The following SIDT1 variants were observed in gnomAD, a reference collection of about 807,000 sequenced individuals.
The protein encoded by SIDT1 is SID1 transmembrane family, member 1.
SIDT1 carries 101 observed loss-of-function variants against 107.5 expected under a neutral mutation model. That is an observed-to-expected ratio of 0.94 (90% CI 0.80 to 1.11). The LOEUF (loss-of-function observed/expected upper bound fraction) is 1.11, where lower values mean the gene tolerates loss of function less well. SIDT1 is among the 50% of genes least tolerant of loss of function. SIDT1 has a pLI of 0.00. For synonymous variants in SIDT1, 395 were observed against 398.2 expected (o/e 0.99, Z 0.10); for missense variants, 1,076 against 1,058.2 (o/e 1.02, Z -0.23).
intron 20 of SIDT1, among the ~76,000 whole-genome samples, chr3:113,616,817 TA>T: frequency 6.6e-6 from 1 of 151,760 alleles, no homozygotes; most frequent in South Asian, 2.1e-4. Flanking sequence ...GCCTCCTGAG[TA>T]GCTGGGATTA....
chr3:113,533,125 C>T lies in SIDT1; in HGVS notation c.104C>T (p.Pro35Leu), dbSNP rs1937650285. Residue 35 changes from proline to leucine, a missense_variant, in exon 1 of 25, where the codon CCG becomes CTG. Pro to Leu is a moderately conservative substitution (Grantham distance 98). Transcript: ENST00000264852. ...AAATCCCCCAGGCAGCCCCCGGCAC[C>T]GCGCCGCGACCCCTTCGACGCTGCC... ...PAKSPRQPPA[P>L]RRDPFDAARG... 2.1e-5 allele frequency: 33 copies of T among 1,561,554 alleles called. No individual in the cohort carries two copies. The highest frequency in any genetic ancestry group is 2.9e-5 in the Non-Finnish European group (33 of 1,156,122).
At position 113,612,192 on chromosome 3, in the gene SIDT1, T is replaced by C. The variant is rs74444076; in HGVS notation, c.1964T>C (p.Ile655Thr). 182 of 1,600,806 alleles carry C rather than the reference T, an allele frequency of 1.1e-4. No homozygotes were observed. In the East Asian group the frequency reaches 3.7e-3, roughly 33 times the overall value. The change falls in exon 19 of 25, where the codon ATA becomes ACA. Residue 655 changes from isoleucine (I) to threonine (T), a missense_variant and splice_region_variant. Transcript: ENST00000264852. ...ATATATTATATGGGTCGTTTCAAGATAGGTGAGTCACCTGTTAATTCTATA... is the reference window on the plus strand; with the variant it reads ...ATATATTATATGGGTCGTTTCAAGACAGGTGAGTCACCTGTTAATTCTATA... ...TQIYYMGRFK[I>T]DLGIFRRAAM... is the part of the protein sequence containing the mutation.
intron 3 of SIDT1, among the ~76,000 whole-genome samples, chr3:113,568,996 T>G (rs1942191163): frequency 6.6e-6 from 1 of 151,328 alleles, no homozygotes; most frequent in African/African-American, 2.4e-5. Flanking sequence ...AAAAATTAGC[T>G]GGGCATGGTG....
rs1553789898 is a variant in SIDT1, at chr3:113,573,008, T to TTC, written c.516-3908_516-3907dup. 5.3e-5 allele frequency among the ~76,000 whole-genome samples: 8 copies of TTC among 152,030 alleles called. No individual in the cohort carries two copies. In the East Asian group the frequency reaches 5.8e-4, roughly 11 times the overall value. On this transcript the variant is annotated intron_variant, in intron 3 of 24. Coordinates refer to ENST00000264852, the MANE Select transcript of SIDT1 (RefSeq NM_017699.3). ...AAGATTTACATTCCTTTTTTTTTTT[T>TTC]TCTCTCTTAATGATGCTGTACTGAG...
intron 3 of SIDT1, among the ~76,000 whole-genome samples, chr3:113,574,543 C>T (rs1329710104): frequency 6.6e-6 from 1 of 152,158 alleles, no homozygotes; most frequent in South Asian, 2.1e-4. Flanking sequence ...GAAAGTTTGT[C>T]CTGCCTCTCT....
At chr3:113,572,636 G>T (rs1461566559) in intron 3 of SIDT1, among the ~76,000 whole-genome samples, 1 of 152,174 alleles carries the variant, frequency 6.6e-6, no homozygotes, top group Non-Finnish European at 1.5e-5. Context: ...GGAGAAGAAA[G>T]AAAAATGATT....
chr3:113,624,610 A>C (rs887411889), intron 23 of SIDT1, among the ~76,000 whole-genome samples: 2 of 152,212 alleles, frequency 1.3e-5, no homozygotes, highest in Admixed American at 1.3e-4. Flanking sequence ...TATAAAATTT[A>C]CCATCGTTAC....
intron 12 of SIDT1, 24 bp downstream of exon 12, chr3:113,603,174 T>G: frequency 1.3e-6 from 2 of 1,592,524 alleles, no homozygotes; most frequent in Non-Finnish European, 1.7e-6. Flanking sequence ...CTCGCCGTAC[T>G]CTTTGAGAGG....
chr3:113,533,209 T>A lies in SIDT1; in HGVS notation c.188T>A (p.Ile63Asn). The A allele has an allele frequency of 6.6e-7, 1 of 1,526,518 alleles. No homozygotes were observed. Among genetic ancestry groups the A allele is most frequent in the Non-Finnish European group, 8.8e-7 (1 of 1,135,774 alleles). The allele number at this position is 1,526,518 out of a possible 1,614,324, so 94.6% of individuals were successfully genotyped here. A position where few individuals can be genotyped will look rare whatever the true frequency, so the allele number is the denominator to read the frequency against. The change falls in exon 1 of 25, where the codon ATC (isoleucine) becomes AAC (asparagine). Residue 63 changes from isoleucine to asparagine, a missense_variant. By Grantham distance (149) the Ile-to-Asn change is moderately radical (BLOSUM62 -3). Transcript: ENST00000264852. Reference sequence around the variant, plus strand: ...GTGGTGAACCTCAGCACCGAGAACATCTACTCTTTCAACTACACCAGCCAG... The same window carrying A: ...GTGGTGAACCTCAGCACCGAGAACAACTACTCTTTCAACTACACCAGCCAG... ...SGVVNLSTEN[I>N]YSFNYTSQPD...
At position 113,623,636 on chromosome 3, in the gene SIDT1, A is replaced by T. The variant is rs1261824536; in HGVS notation, c.2210A>T (p.Glu737Val). 1 of 1,613,206 alleles carries T rather than the reference A, an allele frequency of 6.2e-7. No homozygotes were observed. The highest frequency in any genetic ancestry group is 1.7e-5 in the Admixed American group (1 of 60,028). The change falls in exon 23 of 25, where the codon GAA (glutamate) becomes GTA (valine). Residue 737 changes from glutamate (E) to valine (V), a missense_variant. By Grantham distance (121) the Glu-to-Val change is moderately radical. Transcript: ENST00000264852. ...CTCCTCCCACAGCTCCGCAGCTCTG[A>T]AAAGGTCCTCCCAGTCCCGCTCTTC... Reference protein sequence around the residue: ...FYIIMKLRSSEKVLPVPLFCI... With the variant: ...FYIIMKLRSSVKVLPVPLFCI...
At chr3:113,552,362 G>A (rs879411668) in intron 1 of SIDT1, among the ~76,000 whole-genome samples, 1 of 151,934 alleles carries the variant, frequency 6.6e-6, no homozygotes, top group Non-Finnish European at 1.5e-5. Flanking sequence ...TGAAGATTTG[G>A]GGAGGTTTGT....
chr3:113,562,187 C>CA (rs970707604), intron 1 of SIDT1, among the ~76,000 whole-genome samples: 37 of 146,774 alleles, frequency 2.5e-4, no homozygotes, highest in East Asian at 1.6e-3. Flanking sequence ...TGGCTATATT[C>CA]AAAAAAAAAA....
chr3:113,571,413 T>C (rs1393023453), intron 3 of SIDT1, among the ~76,000 whole-genome samples: 3 of 151,984 alleles, frequency 2.0e-5, no homozygotes, highest in Admixed American at 2.0e-4. Flanking sequence ...TGAGACCCCA[T>C]CTCTGCAAAA....
intron 19 of SIDT1, chr3:113,615,076 A>G (rs1374280933): frequency 6.5e-7 from 1 of 1,535,488 alleles, no homozygotes; most frequent in Non-Finnish European, 8.7e-7. Context: ...TGTCTGACAC[A>G]GGTAATGTTC....
intron 14 of SIDT1, 99 bp from the exon 15 acceptor site, chr3:113,606,942 C>A: frequency 1.3e-6 from 1 of 753,016 alleles, no homozygotes. Flanking sequence ...AAACTAGTGA[C>A]AGTGCATCTC....
In SIDT1 at chr3:113,583,494, A is replaced by G. The variant is rs749088053; in HGVS notation, c.833A>G (p.Gln278Arg). 6.3e-7 allele frequency: 1 copy of G among 1,586,272 alleles called. No homozygotes were observed. The highest frequency in any genetic ancestry group is 1.3e-5 in the African/African-American group (1 of 74,658). ...GCCTGTGGAGGATCTTTCTTCATCC[A>G]GGGTAAGAGCTAGTGAGGAACACTT... ...DYACGGSFFI[Q>R]EKENQTWNLQ... is the part of the protein sequence containing the mutation. Residue 278 changes from glutamine to arginine, a missense_variant and splice_region_variant, in exon 7 of 25, where the codon CAG (glutamine) becomes CGG (arginine). Coordinates refer to ENST00000264852, the MANE Select transcript of SIDT1 (RefSeq NM_017699.3).
intron 23 of SIDT1, among the ~76,000 whole-genome samples, chr3:113,625,322 A>G (rs953857555): frequency 6.6e-6 from 1 of 151,964 alleles, no homozygotes; most frequent in Non-Finnish European, 1.5e-5. Context: ...TATTTTTAGT[A>G]GAGACGGGGT....
At chr3:113,565,648 T>C (rs987672584) in intron 1 of SIDT1, among the ~76,000 whole-genome samples, 2 of 152,244 alleles carry the variant, frequency 1.3e-5, no homozygotes, top group Non-Finnish European at 2.9e-5. Context: ...GATATGTGTG[T>C]ATTCAGAAAG....
intron 3 of SIDT1, among the ~76,000 whole-genome samples, chr3:113,571,922 A>G (rs1942494502): frequency 1.3e-5 from 2 of 151,978 alleles, no homozygotes. Flanking sequence ...GCCATAGAGC[A>G]AGACTCCGTC....
Sources: allele counts gnomAD v4.1 joint callset (sites outside exome capture counted in the v4.1 genomes callset), GRCh38; gene constraint gnomAD v4.1.1; transcripts MANE v1.5; gene names NCBI Gene and HGNC (gene_info 2026-07-23, HGNC 2026-07-21).